The following RUNX2 variants were observed in gnomAD, a reference collection of about 807,000 sequenced individuals.
RUNX2 encodes the protein RUNX family transcription factor 2, also known as runt-related transcription factor 2.
A neutral mutation model predicts 51.7 loss-of-function variants in RUNX2; 10 were observed. That is an observed-to-expected ratio of 0.19 (90% CI 0.12 to 0.33). The LOEUF is 0.33. Ranked by LOEUF, RUNX2 falls within the 10% of genes least tolerant of loss-of-function variation. The probability of loss-of-function intolerance (pLI) is 1.00; values close to 1 mark genes in which losing one functional copy is unlikely to be tolerated. For missense variants in RUNX2, 562 were observed against 691.3 expected, an observed-to-expected ratio of 0.81 and a Z score of 2.10; for synonymous variants, 276 against 273.6, an observed-to-expected ratio of 1.01 and a Z score of -0.09.
At chr6:45,446,660 GA>G (rs75105041) in intron 5 of RUNX2, among the ~76,000 whole-genome samples, 12 of 151,458 alleles carry the variant, frequency 7.9e-5, no homozygotes, top group African/African-American at 2.2e-4. Flanking sequence ...AAATAGCAGG[GA>G]AAAAAAAGAT....
chr6:45,531,585 T>G (rs1395471879), intron 7 of RUNX2, among the ~76,000 whole-genome samples: 1 of 152,038 alleles, frequency 6.6e-6, no homozygotes, highest in East Asian at 1.9e-4. Context: ...AAACCGCATC[T>G]CTACTAAAAA....
chr6:45,491,279 A>C (rs1021990061), intron 5 of RUNX2, among the ~76,000 whole-genome samples: 19 of 152,340 alleles, frequency 1.2e-4, no homozygotes, highest in Non-Finnish European at 2.2e-4. Flanking sequence ...CTGATTTAAC[A>C]GAGTTTATTA....
At chr6:45,379,421 A>G (rs569886458) in intron 2 of RUNX2, among the ~76,000 whole-genome samples, 1 of 152,324 alleles carries the variant, frequency 6.6e-6, no homozygotes, top group African/African-American at 2.4e-5. Flanking sequence ...ATAAAAGTAG[A>G]TCATTTCAAT....
chr6:45,397,819 T>C (rs1055637272), intron 2 of RUNX2, among the ~76,000 whole-genome samples: 8 of 152,246 alleles, frequency 5.3e-5, no homozygotes, highest in Non-Finnish European at 1.2e-4. Flanking sequence ...TTAATATAGT[T>C]GGTGCAATTA....
chr6:45,460,892 T>C (rs1349901438), intron 5 of RUNX2, among the ~76,000 whole-genome samples: 1 of 152,232 alleles, frequency 6.6e-6, no homozygotes, highest in African/African-American at 2.4e-5. Context: ...GAGGATAGTG[T>C]ATAGTAAAAT....
intron 2 of RUNX2, among the ~76,000 whole-genome samples, chr6:45,340,364 C>T (rs1284220374): frequency 6.6e-6 from 1 of 152,118 alleles, no homozygotes; most frequent in Admixed American, 6.6e-5. Flanking sequence ...CACTCTGTCA[C>T]CCAGGCTAGA....
At chr6:45,435,740 A>G (rs990580275) in intron 4 of RUNX2, among the ~76,000 whole-genome samples, 4 of 152,248 alleles carry the variant, frequency 2.6e-5, no homozygotes, top group African/African-American at 9.6e-5. Context: ...GATGAGTGCC[A>G]TAGATGAAAA....
At chr6:45,464,206 AT>A (rs1799562181) in intron 5 of RUNX2, among the ~76,000 whole-genome samples, 1 of 149,808 alleles carries the variant, frequency 6.7e-6, no homozygotes, top group East Asian at 1.9e-4. Context: ...AAAAAAAAAA[AT>A]GTTTACAACA....
intron 2 of RUNX2, 109 bp downstream of exon 2, chr6:45,328,893 A>G (rs780227926): frequency 1.8e-6 from 2 of 1,135,588 alleles, no homozygotes; most frequent in Non-Finnish European, 2.7e-6. Context: ...AAAGATCCTA[A>G]TTATGCTATC....
At chr6:45,348,094 G>C (rs1791259128) in intron 2 of RUNX2, among the ~76,000 whole-genome samples, 1 of 151,920 alleles carries the variant, frequency 6.6e-6, no homozygotes, top group East Asian at 1.9e-4. Flanking sequence ...CTAGCTTATA[G>C]TTTTTACGTT....
intron 6 of RUNX2, among the ~76,000 whole-genome samples, chr6:45,495,056 G>A (rs921682252): frequency 7.9e-5 from 12 of 152,154 alleles, no homozygotes; most frequent in Non-Finnish European, 1.5e-4. Context: ...CATCCTCCAA[G>A]GCCACTGTGT....
chr6:45,450,498 G>A lies in RUNX2; in HGVS notation c.685+12447G>A, dbSNP rs573938588. On this transcript the variant is annotated intron_variant, in intron 5 of 8. Transcript: ENST00000647337. ...AGCCTACATTCTGTAGAGAAAAAAG[G>A]CAAGAAACAAGTAAACAAACATTTC... 3.9e-5 allele frequency among the ~76,000 whole-genome samples: 6 copies of A among 152,288 alleles called. No homozygotes were observed. The East Asian group carries it at 1.2e-3, about 29-fold the overall frequency.
At chr6:45,483,281 G>A (rs559523424) in intron 5 of RUNX2, among the ~76,000 whole-genome samples, 27 of 152,074 alleles carry the variant, frequency 1.8e-4, no homozygotes, top group Admixed American at 1.2e-3. Flanking sequence ...AAAAGATGAC[G>A]CAGCAGCCTT....
intron 6 of RUNX2, among the ~76,000 whole-genome samples, chr6:45,509,098 C>T (rs1330263279): frequency 6.6e-6 from 1 of 152,146 alleles, no homozygotes; most frequent in Non-Finnish European, 1.5e-5. Flanking sequence ...GAGGATTCAA[C>T]TCTTTGAGAT....
intron 5 of RUNX2, among the ~76,000 whole-genome samples, chr6:45,484,294 A>T (rs1273357297): frequency 1.3e-5 from 2 of 152,158 alleles, no homozygotes; most frequent in African/African-American, 4.8e-5. Flanking sequence ...CCTAAGCTGG[A>T]TTTTGAGTCT....
At chr6:45,411,038 G>A (rs1259911689) in intron 2 of RUNX2, among the ~76,000 whole-genome samples, 5 of 152,134 alleles carry the variant, frequency 3.3e-5, no homozygotes, top group African/African-American at 1.2e-4. Flanking sequence ...TCTGTTCCTG[G>A]AAGGGAGTTC....
chr6:45,349,040 T>C (rs937252542), intron 2 of RUNX2, among the ~76,000 whole-genome samples: 2 of 152,212 alleles, frequency 1.3e-5, no homozygotes, highest in African/African-American at 4.8e-5. Flanking sequence ...GTTTATAATC[T>C]TTCCACTGGT....
intron 2 of RUNX2, among the ~76,000 whole-genome samples, chr6:45,354,038 A>G (rs1406239603): frequency 2.6e-5 from 4 of 152,180 alleles, no homozygotes; most frequent in South Asian, 4.1e-4. Flanking sequence ...TTTTACTGTT[A>G]AAAATTGTCA....
chr6:45,474,061 T>A (rs1237508144), intron 5 of RUNX2, among the ~76,000 whole-genome samples: 1 of 152,162 alleles, frequency 6.6e-6, no homozygotes, highest in Non-Finnish European at 1.5e-5. Context: ...TCCAGTGAAA[T>A]ATGATTTGTC....
Sources: gnomAD v4.1 joint callset for allele counts (sites outside exome capture counted in the v4.1 genomes callset) on GRCh38, gnomAD v4.1.1 for gene constraint, MANE v1.5 for transcripts, NCBI Gene and HGNC (gene_info 2026-07-23, HGNC 2026-07-21) for gene names.